Variants in SH3D19 observed in about 807,000 individuals in gnomAD.
The protein encoded by SH3D19 is SH3 domain containing 19.
Under a neutral mutation model 112.1 loss-of-function variants are expected in SH3D19, and 58 were observed. That is an observed-to-expected ratio of 0.52 (90% CI 0.42 to 0.64). The LOEUF (loss-of-function observed/expected upper bound fraction) is 0.64, where lower values mean the gene tolerates loss of function less well. Ranked by LOEUF, SH3D19 falls within the 30% of genes least tolerant of loss-of-function variation. The pLI is 0.00. For missense variants in SH3D19, 1,090 were observed against 1,263.4 expected (o/e 0.86, Z 2.08); for synonymous variants, 391 against 448.5 (o/e 0.87, Z 1.62).
intron 1 of SH3D19, among the ~76,000 whole-genome samples, chr4:151,322,346 T>A (rs1388438013): frequency 1.4e-5 from 2 of 145,636 alleles, no homozygotes; most frequent in Non-Finnish European, 3.0e-5. Flanking sequence ...GGCATGAGAA[T>A]CACTTGAACC....
At chr4:151,151,038 G>A (rs930977291) in intron 9 of SH3D19, among the ~76,000 whole-genome samples, 26 of 144,520 alleles carry the variant, frequency 1.8e-4, no homozygotes, top group African/African-American at 4.2e-4. Flanking sequence ...TCAGCTCAAT[G>A]CAACCTCTGC....
At chr4:151,161,026 T>A (rs951429407) in intron 8 of SH3D19, among the ~76,000 whole-genome samples, 1 of 152,196 alleles carries the variant, frequency 6.6e-6, no homozygotes, top group Non-Finnish European at 1.5e-5. Flanking sequence ...TTTAAGAGTA[T>A]AAGCCAGTAA....
intron 2 of SH3D19, among the ~76,000 whole-genome samples, chr4:151,202,677 G>C (rs1329407246): frequency 6.6e-6 from 1 of 152,188 alleles, no homozygotes; most frequent in Non-Finnish European, 1.5e-5. Context: ...GGAGGGACAG[G>C]TAGGTAGGCA....
rs761564114 is a variant in SH3D19 at position 151,175,313 on chromosome 4, A to G, written c.891T>C (p.Ile297=). The change falls in exon 7 of 20, where the codon ATT becomes ATC. Residue 297 remains isoleucine (I), a synonymous_variant. Transcript: ENST00000604030. The part of the protein sequence containing the change: ...EQSQNSIVSR[I]KVFEGQTNIE... ...TGTTTGTCTGACCCTCAAACACTTT[A>G]ATTCTGGAAACAATACTATTTTGGC... 3 of 1,613,824 alleles carry G rather than the reference A, an allele frequency of 1.9e-6. No homozygotes were observed. The highest frequency in any genetic ancestry group is 2.2e-5 in the South Asian group (2 of 90,974).
intron 1 of SH3D19, among the ~76,000 whole-genome samples, chr4:151,318,804 C>G (rs959575701): frequency 1.3e-5 from 2 of 152,158 alleles, no homozygotes; most frequent in Non-Finnish European, 2.9e-5. Flanking sequence ...CAAGGTCACA[C>G]AGCCAGTGGT....
chr4:151,211,625 G>C (rs1765990803), intron 2 of SH3D19, among the ~76,000 whole-genome samples: 1 of 150,858 alleles, frequency 6.6e-6, no homozygotes. Flanking sequence ...TGCTATCCCA[G>C]GGACCACATG....
intron 1 of SH3D19, among the ~76,000 whole-genome samples, chr4:151,238,758 A>C (rs1261590802): frequency 6.6e-6 from 1 of 152,028 alleles, no homozygotes; most frequent in Non-Finnish European, 1.5e-5. Context: ...TCTACATTAG[A>C]GTGAAAAAAA....
intron 1 of SH3D19, chr4:151,278,956 A>G (rs1773912642): frequency 4.6e-6 from 1 of 217,428 alleles, no homozygotes; most frequent in African/African-American, 2.3e-5. Context: ...TCATTTGTCT[A>G]TTGGTTCATT....
At chr4:151,149,145 T>C (rs1207798818) in intron 10 of SH3D19, among the ~76,000 whole-genome samples, 1 of 152,174 alleles carries the variant, frequency 6.6e-6, no homozygotes, top group Non-Finnish European at 1.5e-5. Context: ...ACCTCTGAGC[T>C]CACAAAGCCA....
Position 151,133,083 on chromosome 4 carries a change from G to A in SH3D19, c.2640C>T (p.Asn880=). 4.3e-6 allele frequency: 7 copies of A among 1,614,000 alleles called. No homozygotes were observed. The highest frequency in any genetic ancestry group is 5.1e-6 in the Non-Finnish European group (6 of 1,179,934). ...VRGRTGIFPL[N]FVEPVEDYPT... Reference sequence around the variant, plus strand: ...GATAATCCTCAACAGGCTCCACAAAGTTCAGGGGGAAAATCCCAGTTCTGC... The same window carrying A: ...GATAATCCTCAACAGGCTCCACAAAATTCAGGGGGAAAATCCCAGTTCTGC... Residue 880 remains asparagine, a synonymous_variant, in exon 16 of 20, where the codon AAC becomes AAT. Transcript: ENST00000604030.
rs72965667 is a variant in SH3D19 at position 151,148,317 on chromosome 4, C to T, written c.1818-131G>A. The T allele has an allele frequency of 0.011, 11,047 of 974,058 alleles. 714 individuals are homozygous for T. The African/African-American group carries it at 0.15, about 13-fold the overall frequency. 60.3% of individuals were successfully genotyped at this position (974,058 alleles called of 1,614,324 possible). A position where few individuals can be genotyped will look rare whatever the true frequency, so the allele number is the denominator to read the frequency against. ...GACACAGCTTTCTGCTAGTGGAATACAGTTTACTGAAACATGCAGGGTATG... is the reference window on the plus strand; with the variant it reads ...GACACAGCTTTCTGCTAGTGGAATATAGTTTACTGAAACATGCAGGGTATG... On this transcript the variant is annotated intron_variant, in intron 10 of 19. Coordinates refer to ENST00000604030, the MANE Select transcript of SH3D19 (RefSeq NM_001378122.1).
chr4:151,238,748 T>G (rs1770330064), intron 1 of SH3D19, among the ~76,000 whole-genome samples: 1 of 151,946 alleles, frequency 6.6e-6, no homozygotes, highest in African/African-American at 2.4e-5. Context: ...GAATTATCAC[T>G]CTACATTAGA....
At chr4:151,219,811 CAT>C (rs1205209019) in intron 2 of SH3D19, among the ~76,000 whole-genome samples, 7 of 152,364 alleles carry the variant, frequency 4.6e-5, no homozygotes, top group South Asian at 2.1e-4. Flanking sequence ...TAAATTTTCA[CAT>C]AGTCAGATTT....
At chr4:151,188,120 T>A (rs1762073052) in intron 2 of SH3D19, among the ~76,000 whole-genome samples, 1 of 152,124 alleles carries the variant, frequency 6.6e-6, no homozygotes, top group African/African-American at 2.4e-5. Context: ...ATCTTGGATT[T>A]CCCAGCCTCC....
At chr4:151,248,510 TTAAGTA>T (rs1771117237) in intron 1 of SH3D19, among the ~76,000 whole-genome samples, 1 of 152,200 alleles carries the variant, frequency 6.6e-6, no homozygotes. Context: ...ACAGCGAACT[TTAAGTA>T]TAAGATTAAA....
Position 151,226,091 on chromosome 4 carries a change from A to G in SH3D19, c.113-5T>C. The G allele has an allele frequency of 8.1e-7, 1 of 1,231,786 alleles. No homozygotes were observed. The highest frequency in any genetic ancestry group is 4.2e-5 in the Admixed American group (1 of 23,722). 76.3% of individuals were successfully genotyped at this position (1,231,786 alleles called of 1,614,324 possible). A position where few individuals can be genotyped will look rare whatever the true frequency, so the allele number is the denominator to read the frequency against. ...GTTTATTTCGTTCGTTGCGATCTGT[A>G]GAGAAAGAAGATGGTTACGTGTCAA... On this transcript the variant is annotated splice_polypyrimidine_tract_variant and splice_region_variant and intron_variant, in intron 1 of 19. Coordinates refer to ENST00000604030, the MANE Select transcript of SH3D19 (RefSeq NM_001378122.1).
chr4:151,231,248 T>C (rs1252399338), intron 1 of SH3D19, among the ~76,000 whole-genome samples: 2 of 152,186 alleles, frequency 1.3e-5, no homozygotes, highest in Admixed American at 6.5e-5. Context: ...TCCAAACAAA[T>C]AGACCATGGA....
intron 1 of SH3D19, among the ~76,000 whole-genome samples, chr4:151,245,320 T>TG (rs11385867): frequency 0.33 from 49,777 of 151,878 alleles, 9,462 homozygotes; most frequent in Non-Finnish European, 0.44. Context: ...CTTGTTAATT[T>TG]TTTTTTTAGG....
chr4:151,286,941 C>T (rs567849248), intron 1 of SH3D19, among the ~76,000 whole-genome samples: 4 of 151,244 alleles, frequency 2.6e-5, no homozygotes, highest in African/African-American at 7.3e-5. Context: ...GATCGCGCCA[C>T]TGCACTCCAG....
Sources: allele counts gnomAD v4.1 joint callset (sites outside exome capture counted in the v4.1 genomes callset), GRCh38; gene constraint gnomAD v4.1.1; transcripts MANE v1.5; gene names NCBI Gene and HGNC (gene_info 2026-07-23, HGNC 2026-07-21).